The following MAP4K3 variants were observed in gnomAD, a reference collection of about 807,000 sequenced individuals.
MAP4K3 encodes MAPK/ERK kinase kinase kinase 3.
MAP4K3 carries 94 observed loss-of-function variants against 143.5 expected under a neutral mutation model. The ratio of observed to expected loss-of-function variants is 0.65; its 90% CI spans 0.55 to 0.78. The LOEUF (loss-of-function observed/expected upper bound fraction) is 0.78. Among genes scored for constraint, MAP4K3 ranks in the 30% least tolerant of loss-of-function variants. The probability of loss-of-function intolerance (pLI) is 0.00; values close to 1 mark genes in which losing one functional copy is unlikely to be tolerated. For missense variants in MAP4K3, 1,077 were observed against 1,068.1 expected, an observed-to-expected ratio of 1.01 and a Z score of -0.12; for synonymous variants, 416 against 347.2, an observed-to-expected ratio of 1.20 and a Z score of -2.20.
chr2:39,418,955 T>C (rs1178261812), intron 1 of MAP4K3, among the ~76,000 whole-genome samples: 1 of 152,134 alleles, frequency 6.6e-6, no homozygotes, highest in Non-Finnish European at 1.5e-5. Context: ...GGAGCTTAGT[T>C]AACAGTCATG....
intron 31 of MAP4K3, among the ~76,000 whole-genome samples, chr2:39,254,953 C>T (rs1313038979): frequency 1.3e-5 from 2 of 152,162 alleles, no homozygotes; most frequent in Non-Finnish European, 2.9e-5. Context: ...GTATCCACCA[C>T]CCAACAATCA....
chr2:39,310,287 T>C (rs1682897377), intron 13 of MAP4K3, among the ~76,000 whole-genome samples: 1 of 152,200 alleles, frequency 6.6e-6, no homozygotes, highest in African/African-American at 2.4e-5. Context: ...GTAACCATCA[T>C]TCTACTCTAC....
chr2:39,256,612 G>A (rs1235886455), intron 31 of MAP4K3, among the ~76,000 whole-genome samples: 1 of 152,070 alleles, frequency 6.6e-6, no homozygotes, highest in Non-Finnish European at 1.5e-5. Context: ...TTGATAATGT[G>A]TAATTCTATT....
chr2:39,308,147 CAG>C, intron 14 of MAP4K3, 142 bp from the exon 15 acceptor site: 1 of 459,048 alleles, frequency 2.2e-6, no homozygotes, highest in Non-Finnish European at 3.8e-6. Context: ...CTGTATTAGG[CAG>C]CTTCTAAAAA....
At chr2:39,337,392 A>G (rs1401572150) in intron 5 of MAP4K3, 134 bp downstream of exon 5, 2 of 555,502 alleles carry the variant, frequency 3.6e-6, no homozygotes, top group Non-Finnish European at 6.4e-6. Context: ...CACAATTTTC[A>G]AATGTATTAA....
At chr2:39,394,748 T>C (rs1666758939) in intron 1 of MAP4K3, among the ~76,000 whole-genome samples, 1 of 152,176 alleles carries the variant, frequency 6.6e-6, no homozygotes, top group Admixed American at 6.5e-5. Context: ...GGGAATAAGA[T>C]AGGCAGAATG....
intron 2 of MAP4K3, among the ~76,000 whole-genome samples, chr2:39,371,162 G>A (rs1478522267): frequency 6.6e-6 from 1 of 152,040 alleles, no homozygotes; most frequent in South Asian, 2.1e-4. Flanking sequence ...AGAAATCTTA[G>A]GGCATCTCAC....
At chr2:39,387,606 C>A (rs1432459505) in intron 1 of MAP4K3, among the ~76,000 whole-genome samples, 2 of 152,152 alleles carry the variant, frequency 1.3e-5, no homozygotes, top group Non-Finnish European at 2.9e-5. Context: ...TCACAGCATG[C>A]AGGACTTTGG....
chr2:39,372,631 C>G (rs960854690), intron 2 of MAP4K3, among the ~76,000 whole-genome samples: 3 of 151,930 alleles, frequency 2.0e-5, no homozygotes, highest in African/African-American at 7.2e-5. Context: ...AGAAATAAAT[C>G]CAGACATGTA....
In MAP4K3 at chr2:39,337,402, A is replaced by G. The variant is rs1023291725; in HGVS notation, c.366+124T>C. 83 of 610,736 alleles carry G rather than the reference A, an allele frequency of 1.4e-4. 1 individual carries two copies. In the African/African-American group the frequency reaches 1.4e-3, roughly 11 times the overall value. 37.8% of individuals were successfully genotyped at this position (610,736 alleles called of 1,614,324 possible). A position where few individuals can be genotyped will look rare whatever the true frequency, so the allele number is the denominator to read the frequency against. On this transcript the variant is annotated intron_variant, in intron 5 of 33. Transcript: ENST00000263881. ...CATTACACAATTTTCAAATGTATTA[A>G]AACTCATTTTAAGAGTTTACCAAAC...
At chr2:39,346,568 A>C (rs1403461537) in intron 3 of MAP4K3, among the ~76,000 whole-genome samples, 1 of 152,182 alleles carries the variant, frequency 6.6e-6, no homozygotes, top group Non-Finnish European at 1.5e-5. Flanking sequence ...TGGGGCAGTG[A>C]GCTAACTTTT....
At chr2:39,417,320 C>T (rs1572506935) in intron 1 of MAP4K3, among the ~76,000 whole-genome samples, 1 of 151,602 alleles carries the variant, frequency 6.6e-6, no homozygotes, top group Non-Finnish European at 1.5e-5. Flanking sequence ...CCCGGATTCA[C>T]GCCATTCTCC....
intron 13 of MAP4K3, among the ~76,000 whole-genome samples, chr2:39,309,853 C>T (rs1166088475): frequency 3.3e-5 from 5 of 151,716 alleles, no homozygotes; most frequent in Non-Finnish European, 5.9e-5. Flanking sequence ...CCACTGCGCC[C>T]GGCCAAAACC....
chr2:39,405,108 C>T (rs537971599), intron 1 of MAP4K3, among the ~76,000 whole-genome samples: 2 of 152,336 alleles, frequency 1.3e-5, no homozygotes, highest in East Asian at 1.9e-4. Flanking sequence ...CACAGCGGGC[C>T]TTGGGCAAGA....
chr2:39,383,260 G>C (rs1666399040), intron 1 of MAP4K3, among the ~76,000 whole-genome samples: 1 of 152,168 alleles, frequency 6.6e-6, no homozygotes, highest in Non-Finnish European at 1.5e-5. Flanking sequence ...AAACTTACAA[G>C]CAAGGCAAAA....
intron 3 of MAP4K3, among the ~76,000 whole-genome samples, chr2:39,352,727 C>T (rs375176643): frequency 6.6e-6 from 1 of 152,042 alleles, no homozygotes; most frequent in African/African-American, 2.4e-5. Flanking sequence ...TCTTCATAAG[C>T]GAGCACAGCT....
chr2:39,315,958 A>G (rs1483982562), intron 12 of MAP4K3, among the ~76,000 whole-genome samples: 1 of 152,146 alleles, frequency 6.6e-6, no homozygotes, highest in African/African-American at 2.4e-5. Flanking sequence ...TTTTGGCACT[A>G]TCTGAATTGT....
At position 39,280,299 on chromosome 2, in the gene MAP4K3, A is replaced by C. The variant is rs202035278; in HGVS notation, c.1687T>G (p.Ser563Ala). The C allele has an allele frequency of 5.6e-6, 9 of 1,599,006 alleles. No homozygotes were observed. The highest frequency in any genetic ancestry group is 6.8e-6 in the Non-Finnish European group (8 of 1,170,860). ...NGCPLKIHCA[S>A]SWINPDTRDQ... is the part of the protein sequence containing the mutation. ...CTTGTATCTGGGTTTATCCATGATG[A>C]TGCACAGTGAATTTTCAAGGGACAC... Residue 563 changes from serine (S) to alanine (A), a missense_variant, in exon 23 of 34, where the codon TCA becomes GCA. Physicochemically the swap from Ser to Ala is moderately conservative, Grantham distance 99. Transcript: ENST00000263881.
chr2:39,365,919 G>A (rs952470756), intron 2 of MAP4K3, among the ~76,000 whole-genome samples: 1 of 152,168 alleles, frequency 6.6e-6, no homozygotes, highest in African/African-American at 2.4e-5. Flanking sequence ...ATGTAAAAGT[G>A]TTTTAAAGTC....
Sources: gnomAD v4.1 joint callset for allele counts (sites outside exome capture counted in the v4.1 genomes callset) on GRCh38, gnomAD v4.1.1 for gene constraint, MANE v1.5 for transcripts, NCBI Gene and HGNC (gene_info 2026-07-23, HGNC 2026-07-21) for gene names.